MIB2: variants seen among roughly 807,000 people sequenced by gnomAD.
The protein encoded by MIB2 is MIB E3 ubiquitin protein ligase 2.
In MIB2, 78 loss-of-function variants were observed where a neutral mutation model predicts 96.6. That is an observed-to-expected ratio of 0.81 (90% CI 0.67 to 0.97). The LOEUF is 0.97. MIB2 is among the 50% of genes least tolerant of loss of function. The pLI is 0.00. For synonymous variants in MIB2, 820 were observed against 629.5 expected (o/e 1.30, Z -4.53); for missense variants, 1,543 against 1,424.0 (o/e 1.08, Z -1.35).
rs529253111 is a variant in MIB2 at position 1,616,472 on chromosome 1, C to CT, written c.-129-35dup. ...GGCGACCGAGCCGCGGGTCGAGGTG[C>CT]TAACTGTGCATCTTGGCATCTCCCC... is the stretch of plus-strand genomic sequence containing the variant. On this transcript the variant is annotated intron_variant, in intron 1 of 19. Coordinates refer to ENST00000355826, the MANE Select transcript of MIB2 (RefSeq NM_001170687.4). 2.8e-4 allele frequency: 410 copies of CT among 1,447,016 alleles called. No individual in the cohort carries two copies. In the African/African-American group the frequency reaches 5.3e-3, roughly 19 times the overall value. 89.6% of individuals were successfully genotyped at this position (1,447,016 alleles called of 1,614,324 possible).
Position 1,628,699 on chromosome 1 carries a change from G to A in MIB2, c.2179G>A (p.Gly727Arg). ...GGCTGATGGGGCCGGGGGGGACCCA[G>A]GGCCCTTGCAGCTGCTGTCCAGGGT... ...LVADGAGGDP[G>R]PLQLLSRLQA... is the part of the protein sequence containing the mutation. The change falls in exon 16 of 20, where the codon GGG (glycine) becomes AGG (arginine). Residue 727 changes from glycine to arginine, a missense_variant. Physicochemically the swap from Gly to Arg is moderately radical, Grantham distance 125. Coordinates refer to ENST00000355826, the MANE Select transcript of MIB2 (RefSeq NM_001170687.4). The A allele has an allele frequency of 6.4e-7, 1 of 1,558,460 alleles. No individual in the cohort carries two copies. Among genetic ancestry groups the A allele is most frequent in the Non-Finnish European group, 8.7e-7 (1 of 1,152,630 alleles).
rs761495701 is a variant in MIB2, at chr1:1,627,351, A to C, written c.1430A>C (p.Gln477Pro). 29 of 1,613,000 alleles carry C rather than the reference A, an allele frequency of 1.8e-5. No individual in the cohort carries two copies. Among genetic ancestry groups the C allele is most frequent in the Middle Eastern group, 1.6e-4 (1 of 6,084 alleles). The part of the protein sequence containing the change: ...TALQVAAYLG[Q>P]VELIRLLLQA... ...CTGCAAGTGGCTGCCTACCTGGGCC[A>C]GGTGGAGTTGATACGGCTGCTGCTA... is the stretch of plus-strand genomic sequence containing the variant. The change falls in exon 12 of 20, where the codon CAG (glutamine) becomes CCG (proline). Residue 477 changes from glutamine to proline, a missense_variant. Coordinates refer to ENST00000355826, the MANE Select transcript of MIB2 (RefSeq NM_001170687.4).
intron 19 of MIB2, 98 bp downstream of exon 19, chr1:1,629,802 C>A: frequency 7.8e-7 from 1 of 1,282,792 alleles, no homozygotes; most frequent in Non-Finnish European, 1.0e-6. Context: ...CCGCCCATGG[C>A]CCTTCCCCAG....
intron 4 of MIB2, chr1:1,624,177 T>G (rs1644523378): frequency 1.7e-6 from 1 of 573,558 alleles, no homozygotes. Context: ...CAGGGCGGCA[T>G]GAGACCTCCA....
chr1:1,621,912 G>A (rs1004522807), intron 2 of MIB2, among the ~76,000 whole-genome samples: 2 of 152,256 alleles, frequency 1.3e-5, no homozygotes, highest in Non-Finnish European at 2.9e-5. Context: ...AACCTGTGGG[G>A]CTCAGGCCCC....
chr1:1,628,330 C>T lies in MIB2; in HGVS notation c.1899C>T (p.Asp633=), dbSNP rs752478182. Residue 633 remains aspartate, a synonymous_variant, in exon 15 of 20, where the codon GAC becomes GAT. Coordinates refer to ENST00000355826, the MANE Select transcript of MIB2 (RefSeq NM_001170687.4). ...AGCTGGTGGACGCCAAGAAGGAGGA[C>T]GGCTTCACGGCGCTGCATCTGGCTG... is the stretch of plus-strand genomic sequence containing the variant. The part of the protein sequence containing the change: ...ARQLVDAKKE[D]GFTALHLAAL... 7 of 1,612,742 alleles carry T rather than the reference C, an allele frequency of 4.3e-6. No individual in the cohort carries two copies. The highest frequency in any genetic ancestry group is 2.2e-5 in the East Asian group (1 of 44,886).
At chr1:1,617,265 C>T (rs1360538022) in intron 2 of MIB2, 2 of 152,460 alleles carry the variant, frequency 1.3e-5, no homozygotes, top group African/African-American at 4.8e-5. Context: ...AGCCTCATGT[C>T]CAGTTCCATG....
At chr1:1,620,816 TG>T (rs1644193964) in intron 2 of MIB2, among the ~76,000 whole-genome samples, 1 of 152,166 alleles carries the variant, frequency 6.6e-6, no homozygotes, top group African/African-American at 2.4e-5. Flanking sequence ...GAGCAGGCAG[TG>T]GGGAGCTGCT....
chr1:1,622,565 A>C (rs911594663), intron 2 of MIB2, among the ~76,000 whole-genome samples: 9 of 152,138 alleles, frequency 5.9e-5, no homozygotes, highest in Non-Finnish European at 8.8e-5. Context: ...TGGCGTTTGC[A>C]CTTGGCTACT....
intron 2 of MIB2, 53 bp downstream of exon 2, chr1:1,616,667 T>A: frequency 7.0e-7 from 1 of 1,421,584 alleles, no homozygotes; most frequent in Non-Finnish European, 9.6e-7. Context: ...TCTCCCACTT[T>A]GGGGCTCCGT....
chr1:1,627,490 C>T lies in MIB2; in HGVS notation c.1523+46C>T, dbSNP rs761979466. The T allele has an allele frequency of 3.2e-6, 5 of 1,560,768 alleles. No individual in the cohort carries two copies. The Admixed American group carries it at 9.0e-5, about 28-fold the overall frequency. On this transcript the variant is annotated intron_variant, in intron 12 of 19. Transcript: ENST00000355826. ...GGCCGGCGGGGCTGAGCCTGTGCGTCCTGGGGTGAGGCCTGGGAGGGGCCC... is the reference window on the plus strand; with the variant it reads ...GGCCGGCGGGGCTGAGCCTGTGCGTTCTGGGGTGAGGCCTGGGAGGGGCCC...
rs943832887 is a variant in MIB2 at position 1,629,413 on chromosome 1, C to A, written c.2410C>A (p.Pro804Thr). 3 of 1,474,082 alleles carry A rather than the reference C, an allele frequency of 2.0e-6. No homozygotes were observed. The highest frequency in any genetic ancestry group is 2.7e-5 in the South Asian group (2 of 74,454). 91.3% of individuals were successfully genotyped at this position (1,474,082 alleles called of 1,614,324 possible). A position where few individuals can be genotyped will look rare whatever the true frequency, so the allele number is the denominator to read the frequency against. Residue 804 changes from proline to threonine, a missense_variant, in exon 18 of 20, where the codon CCG (proline) becomes ACG (threonine). Pro to Thr is a conservative substitution (Grantham distance 38). Transcript: ENST00000355826. ...RERQAGGGAA[P>T]GPRQTLGTPN... ...GCGGCAGGCGGGCGGGGGCGCGGCC[C>A]CGGGCCCCAGGCAAACGCTCGGGAC...
rs775963605 is a variant in MIB2 at position 1,628,308 on chromosome 1, T to C, written c.1877T>C (p.Leu626Pro). 1.9e-6 allele frequency: 3 copies of C among 1,612,888 alleles called. No individual in the cohort carries two copies. In the South Asian group the frequency reaches 3.3e-5, roughly 18 times the overall value. Residue 626 changes from leucine (L) to proline (P), a missense_variant, in exon 15 of 20, where the codon CTG (leucine) becomes CCG (proline). Transcript: ENST00000355826. The stretch of plus-strand genomic sequence containing the variant: ...AAGATTCTGGCTCGGGCGCGGCAGC[T>C]GGTGGACGCCAAGAAGGAGGACGGC... ...VRKILARARQ[L>P]VDAKKEDGFT...
At chr1:1,616,728 G>A (rs1643744859) in intron 2 of MIB2, 114 bp downstream of exon 2, 2 of 798,568 alleles carry the variant, frequency 2.5e-6, no homozygotes, top group Admixed American at 2.9e-5. Flanking sequence ...CATGCGAGTG[G>A]AGGGGAGTGG....
intron 2 of MIB2, chr1:1,617,769 A>G (rs1002069075): frequency 2.6e-5 from 4 of 152,164 alleles, no homozygotes; most frequent in African/African-American, 9.7e-5. Flanking sequence ...GAGTCTTCAC[A>G]CCCTGACTGC....
Position 1,615,569 on chromosome 1 carries a change from C to T in MIB2, c.-194C>T, listed in dbSNP as rs1480393651. 4 of 1,540,212 alleles carry T rather than the reference C, an allele frequency of 2.6e-6. No individual in the cohort carries two copies. The highest frequency in any genetic ancestry group is 3.5e-6 in the Non-Finnish European group (4 of 1,147,136). On this transcript the variant is annotated 5_prime_UTR_variant, in exon 1 of 20. Transcript: ENST00000355826. ...CCGGTGGCCCAGGAGGGCCTGGGAG[C>T]CCGAAGCCGTCCCCGAGTCGCTCCT...
At chr1:1,621,907 G>C (rs1217288462) in intron 2 of MIB2, among the ~76,000 whole-genome samples, 1 of 152,270 alleles carries the variant, frequency 6.6e-6, no homozygotes, top group Non-Finnish European at 1.5e-5. Context: ...GGGACAACCT[G>C]TGGGGCTCAG....
At position 1,627,168 on chromosome 1, in the gene MIB2, A is replaced by T. The variant is rs143944834; in HGVS notation, c.1335A>T (p.Ala445=). The T allele has an allele frequency of 9.0e-5, 143 of 1,591,160 alleles. No homozygotes were observed. In the African/African-American group the frequency reaches 1.8e-3, roughly 20 times the overall value. ...TGGTGGAGGTGGCGCTGGGTAACGC[A>T]GCCCGGGCTCTGGACCTGCTGCGGA... The part of the protein sequence containing the change: ...RLVVEVALGN[A]ARALDLLRRR... The change falls in exon 11 of 20, where the codon GCA becomes GCT. Residue 445 remains alanine (A), a synonymous_variant. Coordinates refer to ENST00000355826, the MANE Select transcript of MIB2 (RefSeq NM_001170687.4).
chr1:1,616,497 C>T lies in MIB2; in HGVS notation c.-129-11C>T, dbSNP rs2100291707. 3 of 1,563,030 alleles carry T rather than the reference C, an allele frequency of 1.9e-6. No homozygotes were observed. The highest frequency in any genetic ancestry group is 2.6e-6 in the Non-Finnish European group (3 of 1,154,582). ...CTAACTGTGCATCTTGGCATCTCCC[C>T]TCGGCCACAGGGTTGGAAGCCCAGC... On this transcript the variant is annotated splice_polypyrimidine_tract_variant and intron_variant, in intron 1 of 19. Transcript: ENST00000355826.
Sources: gnomAD v4.1 joint callset for allele counts (sites outside exome capture counted in the v4.1 genomes callset) on GRCh38, gnomAD v4.1.1 for gene constraint, MANE v1.5 for transcripts, NCBI Gene and HGNC (gene_info 2026-07-23, HGNC 2026-07-21) for gene names.